Variants in RFX3 observed in about 807,000 individuals in gnomAD.
The protein encoded by RFX3 is regulatory factor X3.
A neutral mutation model predicts 98.6 loss-of-function variants in RFX3; 14 were observed. The ratio of observed to expected loss-of-function variants is 0.14; its 90% CI spans 0.09 to 0.22. The LOEUF is 0.22. Among genes scored for constraint, RFX3 ranks in the 10% least tolerant of loss-of-function variants. RFX3 has a pLI of 1.00. For synonymous variants in RFX3, 383 were observed against 328.4 expected, an observed-to-expected ratio of 1.17 and a Z score of -1.80; for missense variants, 639 against 926.9, an observed-to-expected ratio of 0.69 and a Z score of 4.03.
chr9:3,256,547 T>C (rs1315235415), intron 14 of RFX3, among the ~76,000 whole-genome samples: 4 of 152,208 alleles, frequency 2.6e-5, no homozygotes, highest in Non-Finnish European at 4.4e-5. Context: ...ATTTCTAACA[T>C]GTTTCCAATT....
intron 4 of RFX3, among the ~76,000 whole-genome samples, chr9:3,328,965 G>A (rs1430193686): frequency 6.6e-6 from 1 of 152,088 alleles, no homozygotes; most frequent in East Asian, 1.9e-4. Context: ...CTATTTCATT[G>A]CTGCTTTAGC....
chr9:3,332,719 T>A (rs1050606743), intron 3 of RFX3, among the ~76,000 whole-genome samples: 1 of 152,158 alleles, frequency 6.6e-6, no homozygotes, highest in Non-Finnish European at 1.5e-5. Flanking sequence ...TCTCGAGACT[T>A]GGTATTAGCC....
intron 4 of RFX3, among the ~76,000 whole-genome samples, chr9:3,312,455 G>A (rs537369867): frequency 6.6e-6 from 1 of 152,176 alleles, no homozygotes; most frequent in South Asian, 2.1e-4. Flanking sequence ...TAAGGTTCCA[G>A]CTATGTACTG....
chr9:3,229,819 G>A (rs1483503724), intron 15 of RFX3, among the ~76,000 whole-genome samples: 3 of 152,178 alleles, frequency 2.0e-5, no homozygotes, highest in African/African-American at 4.8e-5. Context: ...CTTATAAAGA[G>A]TTCCATGATA....
intron 2 of RFX3, among the ~76,000 whole-genome samples, chr9:3,373,164 G>C (rs1369287423): frequency 6.6e-6 from 1 of 152,094 alleles, no homozygotes; most frequent in African/African-American, 2.4e-5. Flanking sequence ...AGGCTTTATA[G>C]ATACTCTGCA....
At chr9:3,287,340 A>G (rs565123488) in intron 7 of RFX3, among the ~76,000 whole-genome samples, 9 of 152,002 alleles carry the variant, frequency 5.9e-5, no homozygotes, top group South Asian at 2.1e-4. Context: ...AAGAAAAATC[A>G]TAACTTCTGT....
intron 1 of RFX3, among the ~76,000 whole-genome samples, chr9:3,503,918 A>T (rs1816326654): frequency 6.6e-6 from 1 of 151,422 alleles, no homozygotes; most frequent in African/African-American, 2.4e-5. Context: ...AGTCTGGCTA[A>T]CTCTAATTTC....
At chr9:3,226,959 C>T (rs1350433710) in intron 16 of RFX3, among the ~76,000 whole-genome samples, 1 of 152,044 alleles carries the variant, frequency 6.6e-6, no homozygotes, top group Non-Finnish European at 1.5e-5. Context: ...TAAGAATTCT[C>T]ATTTTGTGGG....
chr9:3,520,674 G>C (rs549173542), intron 1 of RFX3, among the ~76,000 whole-genome samples: 3 of 152,030 alleles, frequency 2.0e-5, no homozygotes. Flanking sequence ...GATTGCATTC[G>C]TTTCTGTTTT....
intron 14 of RFX3, among the ~76,000 whole-genome samples, chr9:3,253,699 C>A (rs954944118): frequency 6.6e-6 from 1 of 152,048 alleles, no homozygotes; most frequent in Non-Finnish European, 1.5e-5. Flanking sequence ...TATTTCCATG[C>A]ATGTAAATAT....
At position 3,365,242 on chromosome 9, in the gene RFX3, G is replaced by C. The variant is rs1176903471; in HGVS notation, c.118-18478C>G. Among the ~76,000 whole-genome samples, 2 of 148,950 alleles carry C rather than the reference G, an allele frequency of 1.3e-5. 1 individual carries two copies. Among genetic ancestry groups the C allele is most frequent in the African/African-American group, 5.0e-5 (2 of 40,114 alleles). Reference sequence around the variant, plus strand: ...TTGAACCCAGGAAGTGGAGGTTGCAGTGAGCCGAGATCACACCATTGCACT... The same window carrying C: ...TTGAACCCAGGAAGTGGAGGTTGCACTGAGCCGAGATCACACCATTGCACT... On this transcript the variant is annotated intron_variant, in intron 2 of 16. Transcript: ENST00000617270.
At chr9:3,246,158 T>C (rs1820637191) in intron 15 of RFX3, among the ~76,000 whole-genome samples, 1 of 152,126 alleles carries the variant, frequency 6.6e-6, no homozygotes, top group Admixed American at 6.6e-5. Flanking sequence ...CAAAGGGCTT[T>C]CCTATAAACT....
chr9:3,439,623 G>A (rs1368465886), intron 1 of RFX3, among the ~76,000 whole-genome samples: 2 of 151,958 alleles, frequency 1.3e-5, no homozygotes, highest in African/African-American at 4.8e-5. Flanking sequence ...TGTGATATAT[G>A]TATTAAAGAA....
intron 3 of RFX3, chr9:3,344,805 T>C: frequency 1.4e-6 from 1 of 709,138 alleles, no homozygotes; most frequent in Non-Finnish European, 2.6e-6. Context: ...GGCGTCTTTT[T>C]CATTTGGTAT....
rs151003889 is a variant in RFX3 at position 3,521,260 on chromosome 9, A to G, written c.-9+4487T>C. ...CATAAGATAATCAACATATATGCCT[A>G]TAGGACTAATGCCAGACAGTGCCAA... On this transcript the variant is annotated intron_variant, in intron 1 of 16. Coordinates refer to ENST00000617270, the MANE Select transcript of RFX3 (RefSeq NM_001282116.2). 3.5e-3 allele frequency among the ~76,000 whole-genome samples: 526 copies of G among 152,302 alleles called. 1 individual carries two copies. Among genetic ancestry groups the G allele is most frequent in the African/African-American group, 0.012 (496 of 41,560 alleles).
intron 3 of RFX3, among the ~76,000 whole-genome samples, chr9:3,339,377 T>A (rs1833597389): frequency 6.6e-6 from 1 of 151,650 alleles, no homozygotes; most frequent in African/African-American, 2.4e-5. Flanking sequence ...CCGATAAAAA[T>A]TTATAAACAA....
At chr9:3,349,161 A>G (rs1041349616) in intron 2 of RFX3, among the ~76,000 whole-genome samples, 5 of 152,058 alleles carry the variant, frequency 3.3e-5, no homozygotes, top group African/African-American at 1.2e-4. Flanking sequence ...TATCTTGGAT[A>G]TATTTGTCCA....
chr9:3,274,104 A>T (rs577466605), intron 9 of RFX3, among the ~76,000 whole-genome samples: 2 of 152,184 alleles, frequency 1.3e-5, no homozygotes, highest in African/African-American at 4.8e-5. Context: ...ATTCCAAGGA[A>T]TGTTGGGAAC....
chr9:3,251,046 C>CT (rs1484754681), intron 14 of RFX3, among the ~76,000 whole-genome samples: 1 of 152,122 alleles, frequency 6.6e-6, no homozygotes, highest in Admixed American at 6.5e-5. Context: ...TTTAAAAACT[C>CT]TATCAAAACA....
Sources: gnomAD v4.1 joint callset for allele counts (sites outside exome capture counted in the v4.1 genomes callset) on GRCh38, gnomAD v4.1.1 for gene constraint, MANE v1.5 for transcripts, NCBI Gene and HGNC (gene_info 2026-07-23, HGNC 2026-07-21) for gene names.